RERG: variants seen among roughly 807,000 people sequenced by gnomAD.
RERG encodes the protein ras-related and estrogen-regulated growth inhibitor.
RERG carries 25 observed loss-of-function variants against 23.2 expected under a neutral mutation model. That is an observed-to-expected ratio of 1.08 (90% CI 0.79 to 1.50). The LOEUF (loss-of-function observed/expected upper bound fraction) is 1.50, where lower values mean the gene tolerates loss of function less well. Ranked by LOEUF, RERG falls within the 40% of genes most tolerant of loss-of-function variation. The pLI is 0.00. For missense variants in RERG, 253 were observed against 250.1 expected (o/e 1.01, Z -0.08); for synonymous variants, 81 against 89.1 (o/e 0.91, Z 0.51).
chr12:15,146,870 C>A (rs1265783215), intron 2 of RERG, among the ~76,000 whole-genome samples: 1 of 152,174 alleles, frequency 6.6e-6, no homozygotes, highest in African/African-American at 2.4e-5. Flanking sequence ...GAGAGCAGTA[C>A]AAACGCATGC....
chr12:15,122,418 T>C (rs1317544978), intron 2 of RERG, among the ~76,000 whole-genome samples: 3 of 152,164 alleles, frequency 2.0e-5, no homozygotes, highest in Non-Finnish European at 2.9e-5. Flanking sequence ...GAGATGGCAG[T>C]GTAAATTGCA....
intron 2 of RERG, among the ~76,000 whole-genome samples, chr12:15,160,807 T>C (rs760608940): frequency 3.9e-5 from 6 of 152,040 alleles, no homozygotes; most frequent in Non-Finnish European, 8.8e-5. Context: ...GTTTGCTCAA[T>C]AAGCATTAAA....
chr12:15,185,053 C>T (rs1864971526), intron 2 of RERG, among the ~76,000 whole-genome samples: 1 of 152,122 alleles, frequency 6.6e-6, no homozygotes, highest in Non-Finnish European at 1.5e-5. Context: ...CCTATGCAGG[C>T]AAGATCTCAG....
chr12:15,209,790 A>G (rs1402630427), intron 2 of RERG, among the ~76,000 whole-genome samples: 1 of 152,228 alleles, frequency 6.6e-6, no homozygotes. Flanking sequence ...AAATAACTGA[A>G]TGATACAAAA....
At chr12:15,113,294 G>C (rs1419562004) in intron 3 of RERG, among the ~76,000 whole-genome samples, 1 of 151,566 alleles carries the variant, frequency 6.6e-6, no homozygotes, top group Non-Finnish European at 1.5e-5. Context: ...GATAATATAA[G>C]AAAAGAAATA....
chr12:15,152,562 C>T (rs1188386825), intron 2 of RERG, among the ~76,000 whole-genome samples: 17 of 152,254 alleles, frequency 1.1e-4, no homozygotes, highest in Non-Finnish European at 2.9e-5. Context: ...GAGTTTGCTG[C>T]AAGAACACAG....
rs1289690179 is a variant in RERG at position 15,109,482 on chromosome 12, C to G, written c.228G>C (p.Trp76Cys). The change falls in exon 5 of 5, where the codon TGG (tryptophan) becomes TGC (cysteine). Residue 76 changes from tryptophan (W) to cysteine (C), a missense_variant. Physicochemically the swap from Trp to Cys is radical, Grantham distance 215. Coordinates refer to ENST00000256953, the MANE Select transcript of RERG (RefSeq NM_032918.3). ...DTIQREGHMRWGEGFVLVYDI... is the reference protein window; with the variant it reads ...DTIQREGHMRCGEGFVLVYDI... ...CGTAGACCAGCACAAAGCCTTCCCCCCATCGCATGTGCCCCTCCCTCTGAA... is the reference window on the plus strand; with the variant it reads ...CGTAGACCAGCACAAAGCCTTCCCCGCATCGCATGTGCCCCTCCCTCTGAA... 1.2e-6 allele frequency: 2 copies of G among 1,611,506 alleles called. No homozygotes were observed. The highest frequency in any genetic ancestry group is 1.7e-6 in the Non-Finnish European group (2 of 1,178,452).
intron 2 of RERG, among the ~76,000 whole-genome samples, chr12:15,170,024 T>C (rs1476345549): frequency 4.0e-5 from 6 of 149,770 alleles, no homozygotes; most frequent in African/African-American, 1.5e-4. Flanking sequence ...AGACCCAGCT[T>C]ACAAGGTATT....
intron 2 of RERG, among the ~76,000 whole-genome samples, chr12:15,210,948 A>G (rs944416438): frequency 2.0e-5 from 3 of 152,118 alleles, no homozygotes; most frequent in African/African-American, 7.2e-5. Context: ...CTTTGGTCCA[A>G]TTATTTAAAA....
intron 2 of RERG, among the ~76,000 whole-genome samples, chr12:15,126,878 C>T (rs1369998812): frequency 2.7e-5 from 4 of 150,848 alleles, no homozygotes; most frequent in East Asian, 1.9e-4. Context: ...CCGCCACACC[C>T]GGCTAATTTT....
intron 2 of RERG, among the ~76,000 whole-genome samples, chr12:15,136,909 A>G (rs930093730): frequency 1.3e-5 from 2 of 151,978 alleles, no homozygotes. Flanking sequence ...GATGTCAGTT[A>G]TATCTAGTTT....
At chr12:15,171,030 G>T (rs769217974) in intron 2 of RERG, among the ~76,000 whole-genome samples, 4 of 152,176 alleles carry the variant, frequency 2.6e-5, no homozygotes, top group African/African-American at 4.8e-5. Context: ...TGCATTTATT[G>T]TGTTTATCAC....
Position 15,148,847 on chromosome 12 carries a change from G to GTTTT in RERG, c.62-27732_62-27729dup, listed in dbSNP as rs56033971. ...AATTCATTTGCAGTCCTTTAACTCT[G>GTTTT]TTTTTTTTTTTTTTTTTTTTTTTTT... is the stretch of plus-strand genomic sequence containing the variant. On this transcript the variant is annotated intron_variant, in intron 2 of 4. Coordinates refer to ENST00000256953, the MANE Select transcript of RERG (RefSeq NM_032918.3). Among the ~76,000 whole-genome samples the GTTTT allele has an allele frequency of 6.1e-4, 28 of 45,558 alleles. 5 individuals are homozygous for GTTTT. Among genetic ancestry groups the GTTTT allele is most frequent in the African/African-American group, 1.4e-3 (23 of 16,946 alleles). 29.9% of individuals were successfully genotyped at this position (45,558 alleles called of 152,430 possible).
intron 2 of RERG, among the ~76,000 whole-genome samples, chr12:15,209,269 C>A (rs1228160807): frequency 6.6e-6 from 1 of 152,096 alleles, no homozygotes; most frequent in Admixed American, 6.5e-5. Context: ...TTCAAAGTAC[C>A]TTCAGTGCCA....
At chr12:15,112,041 T>A (rs1863629272) in intron 3 of RERG, among the ~76,000 whole-genome samples, 1 of 152,220 alleles carries the variant, frequency 6.6e-6, no homozygotes, top group African/African-American at 2.4e-5. Context: ...GCTCTTTTCC[T>A]TCTATAATGA....
At chr12:15,123,740 C>T (rs73063888) in intron 2 of RERG, among the ~76,000 whole-genome samples, 4,353 of 151,572 alleles carry the variant, frequency 0.029, 101 homozygotes, top group Non-Finnish European at 0.042. Context: ...TTTTGACTCC[C>T]TTCCCTCTCC....
intron 3 of RERG, among the ~76,000 whole-genome samples, chr12:15,119,828 T>C (rs1565508004): frequency 6.6e-6 from 1 of 152,204 alleles, no homozygotes; most frequent in Non-Finnish European, 1.5e-5. Context: ...CTAATCAAAA[T>C]CATGTCATAT....
intron 2 of RERG, among the ~76,000 whole-genome samples, chr12:15,166,499 A>ATGGTGGTGATGG (rs1555126073): frequency 1.3e-5 from 2 of 150,332 alleles, no homozygotes; most frequent in African/African-American, 2.4e-5. Flanking sequence ...GATGATGATG[A>ATGGTGGTGATGG]TGGGGATGGT....
chr12:15,192,315 G>A (rs1033893248), intron 2 of RERG, among the ~76,000 whole-genome samples: 1 of 152,052 alleles, frequency 6.6e-6, no homozygotes, highest in Non-Finnish European at 1.5e-5. Context: ...GTGCTGCTAC[G>A]ATTCTTGTAT....
Sources: allele counts gnomAD v4.1 joint callset (sites outside exome capture counted in the v4.1 genomes callset), GRCh38; gene constraint gnomAD v4.1.1; transcripts MANE v1.5; gene names NCBI Gene and HGNC (gene_info 2026-07-23, HGNC 2026-07-21).